WDR70: variants seen among roughly 807,000 people sequenced by gnomAD.
The protein encoded by WDR70 is WD repeat-containing protein 70.
Under a neutral mutation model 88.6 loss-of-function variants are expected in WDR70, and 53 were observed. The observed-to-expected ratio is 0.60, with a 90% CI of 0.48 to 0.75. WDR70 has a LOEUF of 0.75. WDR70 is among the 30% of genes least tolerant of loss of function. The pLI is 0.00. For synonymous variants in WDR70, 280 were observed against 270.0 expected (o/e 1.04, Z -0.36); for missense variants, 610 against 823.2 (o/e 0.74, Z 3.17).
At chr5:37,388,074 A>G (rs1312145649) in intron 3 of WDR70, among the ~76,000 whole-genome samples, 1 of 151,998 alleles carries the variant, frequency 6.6e-6, no homozygotes. Context: ...AATGTTTTTT[A>G]TGTTCTTGAA....
At chr5:37,450,381 AATAC>A (rs1388837176) in intron 7 of WDR70, among the ~76,000 whole-genome samples, 1 of 152,172 alleles carries the variant, frequency 6.6e-6, no homozygotes, top group African/African-American at 2.4e-5. Context: ...AAAGCTAGGA[AATAC>A]ATGCGTGTAT....
intron 16 of WDR70, 25 bp downstream of exon 16, chr5:37,725,075 T>G: frequency 6.2e-7 from 1 of 1,603,572 alleles, no homozygotes; most frequent in African/African-American, 1.3e-5. Context: ...GCTAGTGACC[T>G]GCAGAGGGGG....
rs1475827783 is a variant in WDR70 at position 37,402,908 on chromosome 5, T to TTCCC, written c.492+6341_492+6342insCTCC. The stretch of plus-strand genomic sequence containing the variant: ...GTAAAATCCATCCTTCCTTCCTTCC[T>TTCCC]TCCTTCCCTCTTTCCCTCCTTCCCT... On this transcript the variant is annotated intron_variant, in intron 5 of 17. Transcript: ENST00000265107. 3.4e-4 allele frequency among the ~76,000 whole-genome samples: 50 copies of TTCCC among 146,852 alleles called. No homozygotes were observed. In the East Asian group the frequency reaches 7.3e-3, roughly 21 times the overall value.
rs186037596 is a variant in WDR70 at position 37,690,383 on chromosome 5, G to T, written c.1093-7272G>T. 1.0e-3 allele frequency among the ~76,000 whole-genome samples: 158 copies of T among 152,214 alleles called. 1 individual carries two copies. Among genetic ancestry groups the T allele is most frequent in the African/African-American group, 3.7e-3 (152 of 41,532 alleles). ...ACATCACAAAGATACTCCTCGAGAA[G>T]AGCAACCCCAAGACACATAATTGTC... On this transcript the variant is annotated intron_variant, in intron 10 of 17. Coordinates refer to ENST00000265107, the MANE Select transcript of WDR70 (RefSeq NM_018034.4).
chr5:37,526,513 C>T (rs960412217), intron 9 of WDR70, among the ~76,000 whole-genome samples: 3 of 152,132 alleles, frequency 2.0e-5, no homozygotes, highest in Admixed American at 6.5e-5. Flanking sequence ...ATGACAAAGC[C>T]ACAGCCAATA....
chr5:37,738,982 G>A (rs1462969213), intron 17 of WDR70, among the ~76,000 whole-genome samples: 1 of 152,180 alleles, frequency 6.6e-6, no homozygotes, highest in African/African-American at 2.4e-5. Context: ...CTTATTTAAT[G>A]ATTGGCAGCA....
chr5:37,526,740 T>C (rs2112291466), intron 9 of WDR70, among the ~76,000 whole-genome samples: 1 of 152,266 alleles, frequency 6.6e-6, no homozygotes, highest in Non-Finnish European at 1.5e-5. Flanking sequence ...AACCCCATCG[T>C]CTCAGCCCCA....
At chr5:37,433,592 G>A (rs1057351867) in intron 5 of WDR70, among the ~76,000 whole-genome samples, 1 of 152,066 alleles carries the variant, frequency 6.6e-6, no homozygotes, top group African/African-American at 2.4e-5. Context: ...ATACACCCTT[G>A]CTCTATTTTC....
intron 8 of WDR70, among the ~76,000 whole-genome samples, chr5:37,514,600 A>G (rs1740830765): frequency 6.6e-6 from 1 of 151,508 alleles, no homozygotes; most frequent in African/African-American, 2.4e-5. Context: ...CAGTGTGTCC[A>G]TGTGTTCTTA....
At chr5:37,394,796 A>G (rs975929053) in intron 4 of WDR70, among the ~76,000 whole-genome samples, 1 of 152,220 alleles carries the variant, frequency 6.6e-6, no homozygotes, top group Non-Finnish European at 1.5e-5. Flanking sequence ...CTGTTCAATT[A>G]GAAAGAAGGC....
intron 10 of WDR70, among the ~76,000 whole-genome samples, chr5:37,637,974 C>T (rs1407546309): frequency 1.3e-5 from 2 of 152,172 alleles, no homozygotes; most frequent in Non-Finnish European, 1.5e-5. Context: ...GACGGTGTCA[C>T]ATCCAGCATT....
At chr5:37,501,824 A>G (rs1740413176) in intron 8 of WDR70, among the ~76,000 whole-genome samples, 2 of 152,180 alleles carry the variant, frequency 1.3e-5, no homozygotes, top group Non-Finnish European at 2.9e-5. Flanking sequence ...TACCAGTACT[A>G]TGCTGTTTTG....
intron 10 of WDR70, among the ~76,000 whole-genome samples, chr5:37,607,265 C>CT (rs1356724084): frequency 6.6e-6 from 1 of 151,670 alleles, no homozygotes; most frequent in African/African-American, 2.4e-5. Context: ...AATTTCTTAA[C>CT]TTTTTTTTCA....
At chr5:37,529,534 A>C (rs192489060) in intron 9 of WDR70, among the ~76,000 whole-genome samples, 1 of 152,006 alleles carries the variant, frequency 6.6e-6, no homozygotes, top group East Asian at 1.9e-4. Flanking sequence ...GAGGTCTTTC[A>C]TGTCCTTGGT....
At chr5:37,391,944 T>C in intron 3 of WDR70, 56 bp from the exon 4 acceptor site, 2 of 1,557,310 alleles carry the variant, frequency 1.3e-6, no homozygotes, top group Non-Finnish European at 1.7e-6. Context: ...AATACTAACA[T>C]ATTTTGAATT....
At chr5:37,618,616 A>C (rs1375657415) in intron 10 of WDR70, among the ~76,000 whole-genome samples, 1 of 152,128 alleles carries the variant, frequency 6.6e-6, no homozygotes, top group Non-Finnish European at 1.5e-5. Flanking sequence ...GTGATCCACC[A>C]GCTTTAGCCT....
chr5:37,482,089 A>G (rs1329402193), intron 8 of WDR70, among the ~76,000 whole-genome samples: 2 of 152,098 alleles, frequency 1.3e-5, no homozygotes, highest in Non-Finnish European at 1.5e-5. Context: ...CCATATCACT[A>G]TTAACATTTT....
chr5:37,732,585 A>G (rs1485226653), intron 17 of WDR70, among the ~76,000 whole-genome samples: 4 of 152,084 alleles, frequency 2.6e-5, no homozygotes, highest in Non-Finnish European at 4.4e-5. Context: ...CTGCATTTTT[A>G]TAATTTTTTA....
intron 9 of WDR70, among the ~76,000 whole-genome samples, chr5:37,530,494 C>A (rs1407751449): frequency 6.6e-6 from 1 of 151,812 alleles, no homozygotes; most frequent in Non-Finnish European, 1.5e-5. Flanking sequence ...TATTATTGGT[C>A]TGTTCAGAAT....
Sources: allele counts gnomAD v4.1 joint callset (sites outside exome capture counted in the v4.1 genomes callset), GRCh38; gene constraint gnomAD v4.1.1; transcripts MANE v1.5; gene names NCBI Gene and HGNC (gene_info 2026-07-23, HGNC 2026-07-21).